The following TTC39B variants were observed in gnomAD, a reference collection of about 807,000 sequenced individuals.
The protein encoded by TTC39B is tetratricopeptide repeat domain 39B.
Under a neutral mutation model 96.6 loss-of-function variants are expected in TTC39B, and 92 were observed. That is an observed-to-expected ratio of 0.95 (90% CI 0.80 to 1.13). The LOEUF (loss-of-function observed/expected upper bound fraction) is 1.13, where lower values mean the gene tolerates loss of function less well. Ranked by LOEUF, TTC39B falls within the 50% of genes most tolerant of loss-of-function variation. TTC39B has a pLI of 0.00. For missense variants in TTC39B, 955 were observed against 809.3 expected, an observed-to-expected ratio of 1.18 and a Z score of -2.18; for synonymous variants, 367 against 299.4, an observed-to-expected ratio of 1.23 and a Z score of -2.33.
rs551438433 is a variant in TTC39B at position 15,198,201 on chromosome 9, G to A, written c.824+1660C>T. Among the ~76,000 whole-genome samples, 699 of 152,286 alleles carry A rather than the reference G, an allele frequency of 4.6e-3. 5 individuals carry two copies. The highest frequency in any genetic ancestry group is 7.5e-3 in the Non-Finnish European group (508 of 68,026). On this transcript the variant is annotated intron_variant, in intron 8 of 19. Coordinates refer to ENST00000512701, the Ensembl canonical transcript of TTC39B. ...GGGCCAGGCGCAGTGGCTCATGCCTGTAATCCCAGCGCTTTGGGAGGCCAA... is the reference window on the plus strand; with the variant it reads ...GGGCCAGGCGCAGTGGCTCATGCCTATAATCCCAGCGCTTTGGGAGGCCAA...
At chr9:15,262,565 T>G (rs1822984301) in intron 2 of TTC39B, among the ~76,000 whole-genome samples, 1 of 152,020 alleles carries the variant, frequency 6.6e-6, no homozygotes, top group Non-Finnish European at 1.5e-5. Context: ...TTTGAGAAAC[T>G]GCCAGAAAAA....
At chr9:15,267,468 T>C (rs569642188) in intron 2 of TTC39B, among the ~76,000 whole-genome samples, 1 of 152,240 alleles carries the variant, frequency 6.6e-6, no homozygotes, top group African/African-American at 2.4e-5. Flanking sequence ...ACAACCTAAA[T>C]GTCTAACAAT....
Position 15,189,794 on chromosome 9 carries a change from T to C in TTC39B, c.1106-2A>G, listed in dbSNP as rs774673803. ...CCGCAACATTCACTTCTCCTGTACC[T>C]AGAAATTTAACAGGAAAAGACTCAG... On this transcript the variant is annotated splice_acceptor_variant, in intron 11 of 19. Transcript: ENST00000512701. LOFTEE classifies it high-confidence loss of function. The C allele has an allele frequency of 3.7e-6, 6 of 1,602,244 alleles. No individual in the cohort carries two copies. Among genetic ancestry groups the C allele is most frequent in the Admixed American group, 3.4e-5 (2 of 58,860 alleles).
chr9:15,259,351 A>G (rs78536045), intron 2 of TTC39B, among the ~76,000 whole-genome samples: 2,297 of 152,310 alleles, frequency 0.015, 75 homozygotes, highest in African/African-American at 0.053. Context: ...GGGTTACACC[A>G]TTTATATGTA....
At position 15,186,393 on chromosome 9, in the gene TTC39B, C is replaced by G. The variant is rs7852971; in HGVS notation, c.1487+551G>C. 9.1e-3 allele frequency among the ~76,000 whole-genome samples: 1,388 copies of G among 152,174 alleles called. 19 individuals carry two copies. The highest frequency in any genetic ancestry group is 0.032 in the African/African-American group (1,325 of 41,516). ...AGGTAACAGCATCTTTATGAAGAGA[C>G]CATTCATTGTTAGAACTCTCATTAT... On this transcript the variant is annotated intron_variant, in intron 15 of 19. Coordinates refer to ENST00000512701, the Ensembl canonical transcript of TTC39B.
chr9:15,300,991 C>T (rs570769103), intron 1 of TTC39B, among the ~76,000 whole-genome samples: 2 of 151,024 alleles, frequency 1.3e-5, no homozygotes, highest in Admixed American at 6.6e-5. Context: ...CAATGACTCA[C>T]GACCCAAGTC....
intron 2 of TTC39B, among the ~76,000 whole-genome samples, chr9:15,267,366 T>A (rs1238117443): frequency 6.6e-6 from 1 of 152,270 alleles, no homozygotes; most frequent in African/African-American, 2.4e-5. Context: ...AATTCAGTAA[T>A]CCTACATTTG....
chr9:15,190,608 C>CAG lies in TTC39B; in HGVS notation c.1049_1050dup (p.Ala351LeufsTer6), dbSNP rs1272230403. On this transcript the variant is annotated frameshift_variant, in exon 11 of 20. Transcript: ENST00000512701. LOFTEE classifies it high-confidence loss of function. ...GCTAAGATGGTTAAGCAGCACAGTG[C>CAG]AGACCTCATGCTCCTTCCTGAAGCA... The CAG allele has an allele frequency of 5.0e-6, 8 of 1,614,112 alleles. No homozygotes were observed. The African/African-American group carries it at 1.1e-4, about 22-fold the overall frequency.
intron 2 of TTC39B, among the ~76,000 whole-genome samples, chr9:15,238,911 G>C (rs1343465037): frequency 6.6e-6 from 1 of 152,178 alleles, no homozygotes; most frequent in Non-Finnish European, 1.5e-5. Flanking sequence ...ACTTGAGTCT[G>C]GGAGGCATAG....
At chr9:15,183,266 G>C in intron 16 of TTC39B, 1 of 374,178 alleles carries the variant, frequency 2.7e-6, no homozygotes, top group Non-Finnish European at 5.2e-6. Flanking sequence ...CTAAGATCAT[G>C]ACACTCTACC....
chr9:15,236,697 C>G (rs1464074791), intron 2 of TTC39B, among the ~76,000 whole-genome samples: 1 of 152,012 alleles, frequency 6.6e-6, no homozygotes, highest in African/African-American at 2.4e-5. Flanking sequence ...GTACATGGAA[C>G]CTAAACAACT....
intron 1 of TTC39B, among the ~76,000 whole-genome samples, chr9:15,295,356 C>T (rs1324489284): frequency 3.3e-5 from 5 of 152,196 alleles, no homozygotes; most frequent in Admixed American, 3.3e-4. Context: ...GGTGGGCAGG[C>T]TGCATTTAAC....
chr9:15,230,210 A>G (rs1586921206), intron 2 of TTC39B, among the ~76,000 whole-genome samples: 1 of 152,218 alleles, frequency 6.6e-6, no homozygotes, highest in East Asian at 1.9e-4. Context: ...TAACGGCTCT[A>G]ACTTTTAAGT....
intron 1 of TTC39B, among the ~76,000 whole-genome samples, chr9:15,284,983 C>T (rs561555090): frequency 7.2e-5 from 11 of 152,206 alleles, no homozygotes; most frequent in African/African-American, 2.4e-4. Flanking sequence ...TCCTTTCGGC[C>T]GAGCTCGGTG....
rs573353523 is a variant in TTC39B, at chr9:15,233,765, G to A, written c.276-7753C>T. 2.7e-3 allele frequency among the ~76,000 whole-genome samples: 408 copies of A among 152,272 alleles called. 2 individuals carry two copies. Among genetic ancestry groups the A allele is most frequent in the Middle Eastern group, 6.8e-3 (2 of 294 alleles). On this transcript the variant is annotated intron_variant, in intron 2 of 19. Transcript: ENST00000512701. Reference sequence around the variant, plus strand: ...CCAAAGAGCCGAGATTGCAGCCTCTGCCCGGCCGCCACCCCGTCTGGGAAG... The same window carrying A: ...CCAAAGAGCCGAGATTGCAGCCTCTACCCGGCCGCCACCCCGTCTGGGAAG...
At chr9:15,263,843 G>A (rs1218376269) in intron 2 of TTC39B, among the ~76,000 whole-genome samples, 1 of 152,112 alleles carries the variant, frequency 6.6e-6, no homozygotes, top group Non-Finnish European at 1.5e-5. Flanking sequence ...TGAGAGGAGT[G>A]GAACAATTCA....
intron 2 of TTC39B, 85 bp downstream of exon 2, chr9:15,267,829 A>G (rs1020492030): frequency 5.2e-5 from 69 of 1,317,226 alleles, no homozygotes; most frequent in Non-Finnish European, 6.7e-5. Flanking sequence ...TACTCTCCAA[A>G]AAATGAGAAT....
chr9:15,285,135 G>A (rs371554916), intron 1 of TTC39B, among the ~76,000 whole-genome samples: 13 of 152,090 alleles, frequency 8.5e-5, no homozygotes, highest in African/African-American at 2.7e-4. Flanking sequence ...CGTGGTGGCG[G>A]GCGCCTGTAG....
At chr9:15,191,284 A>C in intron 9 of TTC39B, 29 bp from the exon 10 acceptor site, 1 of 1,514,074 alleles carries the variant, frequency 6.6e-7, no homozygotes, top group Non-Finnish European at 9.1e-7. Flanking sequence ...CAGTGTACTT[A>C]TGTGTTAGTG....
Sources: gnomAD v4.1 joint callset for allele counts (sites outside exome capture counted in the v4.1 genomes callset) on GRCh38, gnomAD v4.1.1 for gene constraint, MANE v1.5 for transcripts, NCBI Gene and HGNC (gene_info 2026-07-23, HGNC 2026-07-21) for gene names.